STIP1: variants seen among roughly 807,000 people sequenced by gnomAD.
STIP1 encodes the protein stress induced phosphoprotein 1.
In STIP1, 16 loss-of-function variants were observed where a neutral mutation model predicts 77.4. The observed-to-expected ratio is 0.21, with a 90% CI of 0.14 to 0.31. The LOEUF (loss-of-function observed/expected upper bound fraction) is 0.31, where lower values mean the gene tolerates loss of function less well. Among genes scored for constraint, STIP1 ranks in the 10% least tolerant of loss-of-function variants. The pLI is 1.00. For missense variants in STIP1, 524 were observed against 684.8 expected, an observed-to-expected ratio of 0.77 and a Z score of 2.62; for synonymous variants, 258 against 246.6, an observed-to-expected ratio of 1.05 and a Z score of -0.44.
chr11:64,201,231 G>T (rs1196395070), intron 10 of STIP1, among the ~76,000 whole-genome samples: 1 of 152,034 alleles, frequency 6.6e-6, no homozygotes, highest in African/African-American at 2.4e-5. Flanking sequence ...ATAGAGACAG[G>T]GTTTCACCAT....
intron 10 of STIP1, among the ~76,000 whole-genome samples, chr11:64,200,760 A>AT (rs1482908537): frequency 2.0e-5 from 3 of 151,932 alleles, no homozygotes; most frequent in Non-Finnish European, 4.4e-5. Flanking sequence ...CTTTTTAACC[A>AT]TTTTTAAGAA....
chr11:64,185,889 G>C, upstream of STIP1: 1 of 1,536,194 alleles, frequency 6.5e-7, no homozygotes, highest in Non-Finnish European at 8.7e-7. Flanking sequence ...AATGGGCGCG[G>C]CCAGCGCGGC....
Position 64,203,461 on chromosome 11 carries a change from C to T in STIP1, c.1398C>T (p.Asp466=), listed in dbSNP as rs144788120. The T allele has an allele frequency of 2.6e-4, 427 of 1,613,894 alleles. No homozygotes were observed. Among genetic ancestry groups the T allele is most frequent in the Non-Finnish European group, 3.4e-4 (407 of 1,179,976 alleles). ...DLDSSCKEAA[D]GYQRCMMAQY... ...CTTCTGGACTGCAGGAGGCGGCAGACGGCTACCAGCGCTGTATGATGGCGC... is the reference window on the plus strand; with the variant it reads ...CTTCTGGACTGCAGGAGGCGGCAGATGGCTACCAGCGCTGTATGATGGCGC... Residue 466 remains aspartate (D), a synonymous_variant, in exon 13 of 14, where the codon GAC becomes GAT. Coordinates refer to ENST00000305218, the MANE Select transcript of STIP1 (RefSeq NM_006819.3).
intron 1 of STIP1, among the ~76,000 whole-genome samples, chr11:64,190,716 A>T (rs1946083292): frequency 6.6e-6 from 1 of 152,226 alleles, no homozygotes; most frequent in African/African-American, 2.4e-5. Flanking sequence ...TTTACCTCTT[A>T]AAAGTGTATT....
intron 1 of STIP1, among the ~76,000 whole-genome samples, chr11:64,190,003 CTT>C (rs757338090): frequency 1.4e-5 from 2 of 146,434 alleles, no homozygotes; most frequent in African/African-American, 5.0e-5. Context: ...TCATTTCTCT[CTT>C]TTTTTTTTTT....
intron 10 of STIP1, among the ~76,000 whole-genome samples, chr11:64,200,590 CGTGTGTGTGTGTGTGTGTGTGTGT>C (rs35484605): frequency 7.1e-6 from 1 of 141,208 alleles, no homozygotes; most frequent in African/African-American, 2.7e-5. Flanking sequence ...TCTAACTGGT[CGTGTGTGTGTGTGTGTGTGTGTGT>C]GTGTGTGTGT....
intron 13 of STIP1, 43 bp downstream of exon 13, chr11:64,203,665 A>C (rs1410180399): frequency 6.2e-7 from 1 of 1,613,324 alleles, no homozygotes; most frequent in Non-Finnish European, 8.5e-7. Context: ...AATGGAGAAC[A>C]AAAGCAGGCA....
chr11:64,196,334 T>C (rs1402070087), intron 5 of STIP1, among the ~76,000 whole-genome samples: 2 of 141,708 alleles, frequency 1.4e-5, no homozygotes, highest in Non-Finnish European at 3.0e-5. Flanking sequence ...AGGCAGAGGT[T>C]GCAATAAGCT....
chr11:64,191,571 A>G (rs750272821), intron 1 of STIP1, among the ~76,000 whole-genome samples: 1 of 152,088 alleles, frequency 6.6e-6, no homozygotes, highest in Non-Finnish European at 1.5e-5. Context: ...GTGCCACTAC[A>G]CTCCAGTCTG....
chr11:64,194,140 A>C (rs1946121683), intron 2 of STIP1, 49 bp from the exon 3 acceptor site: 1 of 1,574,270 alleles, frequency 6.4e-7, no homozygotes, highest in Non-Finnish European at 8.6e-7. Context: ...CGTCTTCTAG[A>C]TTTACCTCTG....
chr11:64,202,910 T>A lies in STIP1; in HGVS notation c.1280T>A (p.Phe427Tyr). ...GAATGTATCCAGCTGGAGCCGACCT[T>A]CAGTAAGTGCCTTTCTGCTGCCTGT... ...CEECIQLEPT[F>Y]IKGYTRKAAA... The change falls in exon 11 of 14, where the codon TTC becomes TAC. Residue 427 changes from phenylalanine (F) to tyrosine (Y), a missense_variant and splice_region_variant. Phe to Tyr is a conservative substitution (Grantham distance 22, BLOSUM62 3). Coordinates refer to ENST00000305218, the MANE Select transcript of STIP1 (RefSeq NM_006819.3). 6.2e-7 allele frequency: 1 copy of A among 1,614,202 alleles called. No individual in the cohort carries two copies. The highest frequency in any genetic ancestry group is 8.5e-7 in the Non-Finnish European group (1 of 1,180,032).
In STIP1 at chr11:64,197,288, G is replaced by T. The variant is rs938183107; in HGVS notation, c.690G>T (p.Glu230Asp). ...TCATCTAGGCACTGAAAGAAAAAGA[G>T]CTGGGGAACGATGCCTACAAGAAGA... is the stretch of plus-strand genomic sequence containing the variant. ...ENKKQALKEK[E>D]LGNDAYKKKD... is the part of the protein sequence containing the mutation. Residue 230 changes from glutamate to aspartate, a missense_variant, in exon 6 of 14, where the codon GAG (glutamate) becomes GAT (aspartate). Glu to Asp is a conservative substitution (Grantham distance 45). Transcript: ENST00000305218. The T allele has an allele frequency of 6.2e-6, 10 of 1,614,108 alleles. No individual in the cohort carries two copies. The highest frequency in any genetic ancestry group is 7.6e-6 in the Non-Finnish European group (9 of 1,180,028).
rs1199668454 is a variant in STIP1, at chr11:64,204,338, C to T, written c.*212C>T. 3.7e-6 allele frequency: 2 copies of T among 540,676 alleles called. No individual in the cohort carries two copies. The highest frequency in any genetic ancestry group is 6.3e-5 in the East Asian group (2 of 31,634). 33.5% of individuals were successfully genotyped at this position (540,676 alleles called of 1,614,324 possible). On this transcript the variant is annotated 3_prime_UTR_variant, in exon 14 of 14. Transcript: ENST00000305218. ...TCCCAGCACACGCATGGTCTCTTCA[C>T]CGCTGCCCTCGAGTTCCATGTCTCT...
In STIP1 at chr11:64,194,264, T is replaced by C; in HGVS notation, c.295T>C (p.Leu99=). Residue 99 remains leucine, a synonymous_variant, in exon 3 of 14, where the codon TTA becomes CTA. Coordinates refer to ENST00000305218, the MANE Select transcript of STIP1 (RefSeq NM_006819.3). Reference sequence around the variant, plus strand: ...AGCCAAGCGAACCTATGAGGAGGGCTTAAAACACGAGGCAAATAACCCTCA... The same window carrying C: ...AGCCAAGCGAACCTATGAGGAGGGCCTAAAACACGAGGCAAATAACCCTCA... ...EEAKRTYEEG[L]KHEANNPQLK... The C allele has an allele frequency of 6.2e-7, 1 of 1,614,234 alleles. No individual in the cohort carries two copies. The highest frequency in any genetic ancestry group is 8.5e-7 in the Non-Finnish European group (1 of 1,180,042).
rs368891691 is a variant in STIP1 at position 64,200,034 on chromosome 11, A to G, written c.1118A>G (p.Lys373Arg). The G allele has an allele frequency of 1.5e-5, 25 of 1,614,140 alleles. 1 individual carries two copies. The African/African-American group carries it at 1.7e-4, about 11-fold the overall frequency. ...AACAAAGGCAACGAGTGTTTTCAGA[A>G]AGGTACTGCCTGCAGCTGGGGGATT... ...EKNKGNECFQ[K>R]GDYPQAMKHY... is the part of the protein sequence containing the mutation. The change falls in exon 9 of 14, where the codon AAA becomes AGA. Residue 373 changes from lysine (K) to arginine (R), a missense_variant and splice_region_variant. By Grantham distance (26) the Lys-to-Arg change is conservative (BLOSUM62 2). Transcript: ENST00000305218.
Position 64,197,363 on chromosome 11 carries a change from C to T in STIP1, c.765C>T (p.Asp255=). 1 of 1,613,954 alleles carries T rather than the reference C, an allele frequency of 6.2e-7. No homozygotes were observed. Among genetic ancestry groups the T allele is most frequent in the Non-Finnish European group, 8.5e-7 (1 of 1,180,010 alleles). Residue 255 remains aspartate, a synonymous_variant, in exon 6 of 14, where the codon GAC becomes GAT. Transcript: ENST00000305218. Reference sequence around the variant, plus strand: ...ATTACGACAAAGCCAAGGAGCTGGACCCCACTAACATGACTTACATTACCA... The same window carrying T: ...ATTACGACAAAGCCAAGGAGCTGGATCCCACTAACATGACTTACATTACCA... ...LKHYDKAKEL[D]PTNMTYITNQ...
At position 64,193,165 on chromosome 11, in the gene STIP1, C is replaced by G. The variant is rs754107301; in HGVS notation, c.97C>G (p.Leu33Val). 1.2e-6 allele frequency: 2 copies of G among 1,614,200 alleles called. No homozygotes were observed. Among genetic ancestry groups the G allele is most frequent in the Non-Finnish European group, 1.7e-6 (2 of 1,180,040 alleles). The stretch of plus-strand genomic sequence containing the variant: ...ACAGTGCTACTCCGAAGCTATTAAG[C>G]TGGATCCCCACAACCACGTGCTGTA... ...ALQCYSEAIKLDPHNHVLYSN... is the reference protein window; with the variant it reads ...ALQCYSEAIKVDPHNHVLYSN... The change falls in exon 2 of 14, where the codon CTG (leucine) becomes GTG (valine). Residue 33 changes from leucine to valine, a missense_variant. Coordinates refer to ENST00000305218, the MANE Select transcript of STIP1 (RefSeq NM_006819.3).
At chr11:64,195,922 T>C in intron 5 of STIP1, 109 bp downstream of exon 5, 3 of 1,485,794 alleles carry the variant, frequency 2.0e-6, no homozygotes, top group African/African-American at 1.4e-5. Flanking sequence ...TTATGGTTTT[T>C]TTAGAGACGG....
chr11:64,204,404 GTTGGT>G lies in STIP1; in HGVS notation c.*281_*285del. 2.2e-6 allele frequency: 1 copy of G among 445,902 alleles called. No individual in the cohort carries two copies. The highest frequency in any genetic ancestry group is 4.0e-6 in the Non-Finnish European group (1 of 252,584). 27.6% of individuals were successfully genotyped at this position (445,902 alleles called of 1,614,324 possible). On this transcript the variant is annotated 3_prime_UTR_variant, in exon 14 of 14. Coordinates refer to ENST00000305218, the MANE Select transcript of STIP1 (RefSeq NM_006819.3). ...TTGCTGTCTCGGCTGCTCTCCCATAGTTGGTTTTTTTTTTATTTGGGGCAGTGGGC... is the reference window on the plus strand; with the variant it reads ...TTGCTGTCTCGGCTGCTCTCCCATAGTTTTTTTTTATTTGGGGCAGTGGGC...
Sources: gnomAD v4.1 joint callset for allele counts (sites outside exome capture counted in the v4.1 genomes callset) on GRCh38, gnomAD v4.1.1 for gene constraint, MANE v1.5 for transcripts, NCBI Gene and HGNC (gene_info 2026-07-23, HGNC 2026-07-21) for gene names.